GRIP1: variants seen among roughly 807,000 people sequenced by gnomAD.
GRIP1 encodes glutamate receptor-interacting protein 1.
Under a neutral mutation model 129.9 loss-of-function variants are expected in GRIP1, and 45 were observed. That is an observed-to-expected ratio of 0.35 (90% CI 0.27 to 0.44). The LOEUF is 0.44. Ranked by LOEUF, GRIP1 falls within the 20% of genes least tolerant of loss-of-function variation. The pLI, the probability that GRIP1 is intolerant of heterozygous loss-of-function variation, is 1.00. For missense variants in GRIP1, 1,196 were observed against 1,396.8 expected, an observed-to-expected ratio of 0.86 and a Z score of 2.29; for synonymous variants, 530 against 520.8, an observed-to-expected ratio of 1.02 and a Z score of -0.24.
At chr12:66,625,101 AT>A (rs1453420557) in intron 1 of GRIP1, among the ~76,000 whole-genome samples, 1 of 151,914 alleles carries the variant, frequency 6.6e-6, no homozygotes, top group African/African-American at 2.4e-5. Flanking sequence ...GAAGAGACAT[AT>A]GTTATTATCT....
At chr12:66,607,612 T>C (rs1049010645) in intron 1 of GRIP1, among the ~76,000 whole-genome samples, 1 of 152,176 alleles carries the variant, frequency 6.6e-6, no homozygotes, top group Non-Finnish European at 1.5e-5. Context: ...GTATGACTTG[T>C]GTAGCTGGCA....
rs530318161 is a variant in GRIP1 at position 66,676,141 on chromosome 12, C to T, written c.55+2709G>A. 2.0e-5 allele frequency among the ~76,000 whole-genome samples: 3 copies of T among 152,182 alleles called. No individual in the cohort carries two copies. The South Asian group carries it at 6.2e-4, about 32-fold the overall frequency. ...CAATAATATATTCATTTTAAAAATGCTTTTTACACCTATAAATTGTCCCAG... is the reference window on the plus strand; with the variant it reads ...CAATAATATATTCATTTTAAAAATGTTTTTTACACCTATAAATTGTCCCAG... On this transcript the variant is annotated intron_variant, in intron 1 of 24. Coordinates refer to ENST00000359742, the MANE Select transcript of GRIP1 (RefSeq NM_001366722.1).
At chr12:66,520,001 ATTG>A (rs1238767085) in intron 5 of GRIP1, among the ~76,000 whole-genome samples, 1 of 152,182 alleles carries the variant, frequency 6.6e-6, no homozygotes, top group African/African-American at 2.4e-5. Context: ...GCAAGCTTCT[ATTG>A]TTTAGGGAAT....
At chr12:66,499,341 A>T (rs2060324142) in intron 7 of GRIP1, among the ~76,000 whole-genome samples, 2 of 152,342 alleles carry the variant, frequency 1.3e-5, no homozygotes, top group African/African-American at 4.8e-5. Flanking sequence ...AATATGATGA[A>T]GATTATAAAA....
intron 7 of GRIP1, among the ~76,000 whole-genome samples, chr12:66,498,249 T>A (rs950293872): frequency 6.6e-6 from 1 of 152,116 alleles, no homozygotes; most frequent in Non-Finnish European, 1.5e-5. Flanking sequence ...TGGGTGTCAG[T>A]GGAGTGGGAC....
chr12:66,529,699 G>A (rs577647838), intron 5 of GRIP1, 132 bp downstream of exon 5: 91 of 697,866 alleles, frequency 1.3e-4, no homozygotes, highest in African/African-American at 1.0e-3. Context: ...TGCTCGGGTC[G>A]TGGGTGCACC....
At chr12:66,515,923 G>A (rs2060831121) in intron 6 of GRIP1, among the ~76,000 whole-genome samples, 159 bp from the exon 7 acceptor site, 1 of 152,058 alleles carries the variant, frequency 6.6e-6, no homozygotes, top group African/African-American at 2.4e-5. Context: ...GTATAAAGAA[G>A]TAACCCTGAA....
At chr12:66,478,787 C>A (rs1394293978) in intron 7 of GRIP1, among the ~76,000 whole-genome samples, 8 of 151,982 alleles carry the variant, frequency 5.3e-5, no homozygotes, top group Admixed American at 1.3e-4. Context: ...GGACAAAAAA[C>A]CAAACACTGC....
chr12:66,821,843 AAAAAGTAGAGG>A (rs2039325182), intron 1 of GRIP1, among the ~76,000 whole-genome samples: 1 of 152,172 alleles, frequency 6.6e-6, no homozygotes, highest in Non-Finnish European at 1.5e-5. Flanking sequence ...ATCACACAAC[AAAAAGTAGAGG>A]CCCTACTGCG....
intron 1 of GRIP1, among the ~76,000 whole-genome samples, chr12:66,768,254 T>C (rs2037707550): frequency 6.6e-6 from 1 of 152,218 alleles, no homozygotes; most frequent in Non-Finnish European, 1.5e-5. Context: ...ACTGGTACTT[T>C]CTGATGAACT....
intron 7 of GRIP1, among the ~76,000 whole-genome samples, chr12:66,479,071 G>A (rs2059718097): frequency 1.4e-5 from 2 of 146,238 alleles, no homozygotes; most frequent in Non-Finnish European, 3.0e-5. Flanking sequence ...AAAAGAGAAA[G>A]AAACTGTAGC....
At position 66,371,871 on chromosome 12, in the gene GRIP1, G is replaced by A. The variant is rs778224613; in HGVS notation, c.2835C>T (p.Arg945=). 8 of 1,613,406 alleles carry A rather than the reference G, an allele frequency of 5.0e-6. No homozygotes were observed. Among genetic ancestry groups the A allele is most frequent in the Non-Finnish European group, 6.8e-6 (8 of 1,179,976 alleles). Residue 945 remains arginine, a synonymous_variant, in exon 23 of 25, where the codon CGC becomes CGT. Transcript: ENST00000359742. ...MSLNHEAPTP[R]SQLGRQASFQ... is the part of the protein sequence containing the mutation. Reference sequence around the variant, plus strand: ...AGCTGGCCTGTCGCCCCAGCTGACTGCGAGGTGTTGGAGCCTCATGATTCA... The same window carrying A: ...AGCTGGCCTGTCGCCCCAGCTGACTACGAGGTGTTGGAGCCTCATGATTCA...
chr12:66,867,363 CTT>C (rs2040224357), intron 1 of GRIP1, among the ~76,000 whole-genome samples: 1 of 152,106 alleles, frequency 6.6e-6, no homozygotes, highest in African/African-American at 2.4e-5. Flanking sequence ...ACTGAAATGA[CTT>C]AATACCAGAA....
At chr12:66,647,794 G>A (rs1043685140) in intron 1 of GRIP1, among the ~76,000 whole-genome samples, 1 of 152,162 alleles carries the variant, frequency 6.6e-6, no homozygotes, top group Non-Finnish European at 1.5e-5. Context: ...CTCTGGATTT[G>A]TCAGTATGAA....
intron 5 of GRIP1, among the ~76,000 whole-genome samples, chr12:66,527,672 A>T (rs981288941): frequency 2.0e-4 from 31 of 152,126 alleles, no homozygotes; most frequent in African/African-American, 7.5e-4. Flanking sequence ...CTTAAAGTAT[A>T]ATAATAACAA....
intron 1 of GRIP1, among the ~76,000 whole-genome samples, chr12:66,850,891 CT>C (rs1429977620): frequency 4.7e-5 from 7 of 150,462 alleles, no homozygotes; most frequent in African/African-American, 1.7e-4. Context: ...GGCTTCTTGG[CT>C]TTTAAATTTC....
At chr12:66,377,315 G>A (rs1477833034) in intron 20 of GRIP1, 30 bp from the exon 21 acceptor site, 5 of 1,379,958 alleles carry the variant, frequency 3.6e-6, no homozygotes, top group Middle Eastern at 1.8e-4. Context: ...GCTGGGTTAG[G>A]AACTTGCCAG....
intron 1 of GRIP1, among the ~76,000 whole-genome samples, chr12:67,042,568 T>C (rs1021754338): frequency 1.3e-5 from 2 of 152,216 alleles, no homozygotes; most frequent in Non-Finnish European, 1.5e-5. Context: ...TCATGTCTTA[T>C]TGCTTATGTG....
chr12:66,808,620 G>A (rs555430731), upstream of GRIP1, among the ~76,000 whole-genome samples: 40 of 151,860 alleles, frequency 2.6e-4, no homozygotes, highest in African/African-American at 9.7e-4. Context: ...TTTTTAAACT[G>A]AGCAAACATC....
Sources: gnomAD v4.1 joint callset for allele counts (sites outside exome capture counted in the v4.1 genomes callset) on GRCh38, gnomAD v4.1.1 for gene constraint, MANE v1.5 for transcripts, NCBI Gene and HGNC (gene_info 2026-07-23, HGNC 2026-07-21) for gene names.